Variants in TMEM276 observed in about 807,000 individuals in gnomAD.
TMEM276 encodes transmembrane protein 276.
the TMEM276 span, chr8:144,465,071 C>A: frequency 6.5e-7 from 1 of 1,528,604 alleles, no homozygotes. Flanking sequence ...CTAGACTTTC[C>A]GGATCCCTGA....
the TMEM276 span, chr8:144,465,256 G>A: frequency 6.2e-6 from 7 of 1,129,272 alleles, no homozygotes; most frequent in Non-Finnish European, 6.8e-6. Context: ...CGGCGGCCTC[G>A]GCCTGCTCCC....
At chr8:144,465,379 C>T in the TMEM276 span, 1 of 1,029,600 alleles carries the variant, frequency 9.7e-7, no homozygotes, top group Non-Finnish European at 1.2e-6. Flanking sequence ...AACGCAGCGG[C>T]GAGCGGGAGG....
the TMEM276 span, chr8:144,465,515 G>A: frequency 1.1e-6 from 1 of 880,814 alleles, no homozygotes; most frequent in Admixed American, 6.2e-5. Context: ...GAGCGGCCGG[G>A]CGGGGCTAGA....
the TMEM276 span, chr8:144,464,205 A>C: frequency 6.2e-7 from 1 of 1,613,132 alleles, no homozygotes; most frequent in Non-Finnish European, 8.5e-7. Context: ...AGCGACAGAC[A>C]TCCTCCTTCG....
At chr8:144,466,989 G>A in the TMEM276 span, 2 of 1,596,938 alleles carry the variant, frequency 1.3e-6, no homozygotes, top group South Asian at 1.1e-5. Context: ...GGGTCGGAAG[G>A]CGCAGCCGAG....
At chr8:144,465,077 C>T in the TMEM276 span, 4 of 1,528,162 alleles carry the variant, frequency 2.6e-6, no homozygotes, top group African/African-American at 2.7e-5. Flanking sequence ...TTTCCGGATC[C>T]CTGAGGCCAC....
At chr8:144,465,445 C>G in the TMEM276 span, 1 of 1,003,594 alleles carries the variant, frequency 1.0e-6, no homozygotes, top group South Asian at 4.0e-5. Flanking sequence ...CTCTGCCGTG[C>G]CCCCAGTTGC....
the TMEM276 span, chr8:144,464,508 C>A: frequency 6.2e-7 from 1 of 1,612,238 alleles, no homozygotes. Flanking sequence ...CGGTGGCCAC[C>A]CAGGCTCCAG....
chr8:144,465,473 G>A, the TMEM276 span: 4 of 992,638 alleles, frequency 4.0e-6, no homozygotes, highest in African/African-American at 3.5e-5. Flanking sequence ...AGCGCGGTCG[G>A]GAACCTCCAC....
At chr8:144,466,598 G>C in the TMEM276 span, 1 of 909,174 alleles carries the variant, frequency 1.1e-6, no homozygotes, top group African/African-American at 1.8e-5. Context: ...GGCGGGGGCG[G>C]GCACGGGGCG....
the TMEM276 span, chr8:144,465,492 G>T: frequency 1.0e-6 from 1 of 968,032 alleles, no homozygotes; most frequent in Middle Eastern, 5.3e-4. Flanking sequence ...ACCAGCGAGA[G>T]GAGCGGAGGC....
At chr8:144,464,032 G>A in the TMEM276 span, 7 of 1,531,866 alleles carry the variant, frequency 4.6e-6, no homozygotes, top group Non-Finnish European at 3.5e-6. Flanking sequence ...TCAGTAGGCA[G>A]AAGAGTCTAC....
At chr8:144,464,321 TGAG>T in the TMEM276 span, 2 of 1,612,362 alleles carry the variant, frequency 1.2e-6, no homozygotes, top group East Asian at 2.2e-5. Context: ...ACAGCTACAA[TGAG>T]GATGGTCACT....
At chr8:144,466,702 G>A in the TMEM276 span, 3 of 1,375,184 alleles carry the variant, frequency 2.2e-6, no homozygotes, top group African/African-American at 1.5e-5. Context: ...TTCGCGGAGG[G>A]AAGGGGCCAG....
the TMEM276 span, chr8:144,466,412 G>A: frequency 7.8e-7 from 1 of 1,274,052 alleles, no homozygotes; most frequent in Non-Finnish European, 1.0e-6. Context: ...CTGCCGCCCC[G>A]CGCTCCCATG....
At chr8:144,464,848 C>T in the TMEM276 span, 1 of 1,612,922 alleles carries the variant, frequency 6.2e-7, no homozygotes, top group Non-Finnish European at 8.5e-7. Context: ...ACACCACTCC[C>T]AGCACCAGAT....
the TMEM276 span, chr8:144,464,065 G>A: frequency 2.6e-6 from 4 of 1,558,080 alleles, no homozygotes; most frequent in African/African-American, 2.7e-5. Context: ...GGCGCCAGGA[G>A]CAGGCAGGTG....
At chr8:144,465,292 G>A in the TMEM276 span, 2 of 1,124,140 alleles carry the variant, frequency 1.8e-6, no homozygotes, top group South Asian at 3.7e-5. Flanking sequence ...GTTGTCCTGG[G>A]AACCCGGGTC....
chr8:144,464,253 G>C, the TMEM276 span: 1 of 1,613,012 alleles, frequency 6.2e-7, no homozygotes. Flanking sequence ...GCCGGCTCAG[G>C]AGGCCTGCCA....
Sources: allele counts gnomAD v4.1 joint callset, GRCh38; gene constraint gnomAD v4.1.1; transcripts MANE v1.5; gene names NCBI Gene and HGNC (gene_info 2026-07-23, HGNC 2026-07-21).